Variants in ODAD3 observed in about 807,000 individuals in gnomAD.
ODAD3 encodes outer dynein arm docking complex subunit 3.
In ODAD3, 57 loss-of-function variants were observed where a neutral mutation model predicts 70.9. The observed-to-expected ratio is 0.80, with a 90% confidence interval of 0.65 to 1.00. ODAD3 has a LOEUF of 1.00. ODAD3 is among the 50% of genes least tolerant of loss of function. The pLI is 0.00. For missense variants in ODAD3, 797 were observed against 763.9 expected (o/e 1.04, Z -0.51); for synonymous variants, 327 against 315.9 (o/e 1.04, Z -0.37).
Position 11,425,234 on chromosome 19 carries a change from T to C in ODAD3, c.963+910A>G, listed in dbSNP as rs1222263436. Among the ~76,000 whole-genome samples, 3 of 138,820 alleles carry C rather than the reference T, an allele frequency of 2.2e-5. 1 individual carries two copies. The highest frequency in any genetic ancestry group is 6.1e-5 in the African/African-American group (2 of 32,786). 91.1% of individuals were successfully genotyped at this position (138,820 alleles called of 152,430 possible). ...ATATGTGTATATATGTGTGTATATG[T>C]ACATATGTGTATATATGTATATGTA... On this transcript the variant is annotated intron_variant, in intron 7 of 12. Transcript: ENST00000356392.
chr19:11,425,571 G>GTATGTATA (rs1225809062), intron 7 of ODAD3, among the ~76,000 whole-genome samples: 2 of 125,630 alleles, frequency 1.6e-5, no homozygotes, highest in Non-Finnish European at 3.1e-5. Flanking sequence ...ATGTGTGTAT[G>GTATGTATA]TATGTATATA....
chr19:11,427,972 C>T (rs1427801840), intron 3 of ODAD3, among the ~76,000 whole-genome samples: 3 of 151,778 alleles, frequency 2.0e-5, no homozygotes, highest in East Asian at 2.0e-4. Flanking sequence ...TGGTGGCAGG[C>T]GCCTGTAGTC....
At chr19:11,431,979 G>A (rs910390707) in intron 1 of ODAD3, among the ~76,000 whole-genome samples, 1 of 148,496 alleles carries the variant, frequency 6.7e-6, no homozygotes, top group African/African-American at 2.5e-5. Flanking sequence ...CGGGCATGAT[G>A]GTGGGTGCCT....
chr19:11,433,064 G>C (rs1010777820), intron 1 of ODAD3, among the ~76,000 whole-genome samples: 2 of 151,980 alleles, frequency 1.3e-5, no homozygotes, highest in African/African-American at 2.4e-5. Context: ...AAAGTGCTGG[G>C]ATTACAGGTG....
At chr19:11,425,247 A>ATATG (rs1160802495) in intron 7 of ODAD3, among the ~76,000 whole-genome samples, 1 of 121,312 alleles carries the variant, frequency 8.2e-6, no homozygotes, top group African/African-American at 4.2e-5. Context: ...ATATGTGTAT[A>ATATG]TATGTATATG....
chr19:11,421,737 C>T lies in ODAD3; in HGVS notation c.1530G>A (p.Leu510=), dbSNP rs1247452597. ...LGLVEEKLLK[L]QAQLQGHDVQ... is the part of the protein sequence containing the mutation. ...CGTCGTGGCCCTGGAGCTGCGCCTG[C>T]AGTTTCAGCAGCTTTTCCTCCACGA... Residue 510 remains leucine (L), a synonymous_variant, in exon 11 of 13, where the codon CTG becomes CTA. Coordinates refer to ENST00000356392, the MANE Select transcript of ODAD3 (RefSeq NM_145045.5). 1 of 1,613,456 alleles carries T rather than the reference C, an allele frequency of 6.2e-7. No homozygotes were observed. The highest frequency in any genetic ancestry group is 1.7e-5 in the Admixed American group (1 of 60,032).
At position 11,422,100 on chromosome 19, in the gene ODAD3, T is replaced by G. The variant is rs900578778; in HGVS notation, c.1435-268A>C. Among the ~76,000 whole-genome samples the G allele has an allele frequency of 6.6e-6, 1 of 152,198 alleles. No individual in the cohort carries two copies. Among genetic ancestry groups the G allele is most frequent in the Non-Finnish European group, 1.5e-5 (1 of 68,012 alleles). ...GGGAGGCCATTGTGGGATGGCCTCC[T>G]GAAGAAATGGCCCTCTGCTGCGGGC... On this transcript the variant is annotated intron_variant, in intron 10 of 12. Coordinates refer to ENST00000356392, the MANE Select transcript of ODAD3 (RefSeq NM_145045.5). The surrounding 1 kb of genome is among the most constrained non-coding windows in gnomAD (Gnocchi z 4.6).
intron 8 of ODAD3, 142 bp downstream of exon 8, chr19:11,423,735 G>A (rs1291200431): frequency 7.4e-6 from 6 of 809,846 alleles, no homozygotes; most frequent in African/African-American, 3.4e-5. Context: ...TGTTTTTCAA[G>A]AAAGGAGCAG....
rs779597814 is a variant in ODAD3, at chr19:11,421,667, T to G, written c.1590+10A>C. 6.2e-7 allele frequency: 1 copy of G among 1,610,150 alleles called. No homozygotes were observed. The highest frequency in any genetic ancestry group is 1.7e-5 in the Admixed American group (1 of 59,756). ...GATCTCTGGAGCTCTGCCCCATGGC[T>G]GCAGGGCACCTCGCGGTTAGCGATG... On this transcript the variant is annotated intron_variant, in intron 11 of 12. Coordinates refer to ENST00000356392, the MANE Select transcript of ODAD3 (RefSeq NM_145045.5).
chr19:11,420,734 C>G lies in ODAD3; in HGVS notation c.*101G>C, dbSNP rs370633080. ...CCGCTGGCCGCCTCCGTTCCCGGTC[C>G]GGGCCGCGTTCAGCCCCTGAAGGGG... is the stretch of plus-strand genomic sequence containing the variant. On this transcript the variant is annotated 3_prime_UTR_variant, in exon 13 of 13. Coordinates refer to ENST00000356392, the MANE Select transcript of ODAD3 (RefSeq NM_145045.5). 9.5e-3 allele frequency: 9,735 copies of G among 1,023,654 alleles called. 61 individuals carry two copies. Among genetic ancestry groups the G allele is most frequent in the Non-Finnish European group, 0.012 (8,155 of 675,616 alleles). 63.4% of individuals were successfully genotyped at this position (1,023,654 alleles called of 1,614,324 possible).
intron 1 of ODAD3, among the ~76,000 whole-genome samples, chr19:11,433,842 G>A (rs1877259740): frequency 6.6e-6 from 1 of 152,082 alleles, no homozygotes; most frequent in South Asian, 2.1e-4. Flanking sequence ...TGGAAGGATC[G>A]CTTGAGCCTA....
intron 1 of ODAD3, chr19:11,434,383 C>G (rs1297962069): frequency 1.9e-5 from 3 of 158,260 alleles, no homozygotes; most frequent in Admixed American, 6.1e-5. Context: ...ACTAAAAATA[C>G]AAAAATTAGT....
Position 11,427,005 on chromosome 19 carries a change from CT to C in ODAD3, c.479del (p.Lys160ArgfsTer2). ...GCCGCAGGGCGTTCTGCTGCTTCAC[CT>C]TCTCCCTCAGCCGGTGGTCTAGGTG... Reference protein sequence around the residue: ...LEHLDHRLREKVKQQNALRHQ... With the variant: ...LEHLDHRLREXVKQQNALRHQ... On this transcript the variant is annotated frameshift_variant, in exon 4 of 13. Coordinates refer to ENST00000356392, the MANE Select transcript of ODAD3 (RefSeq NM_145045.5). LOFTEE classifies it high-confidence loss of function. 1 of 1,601,860 alleles carries C rather than the reference CT, an allele frequency of 6.2e-7. No homozygotes were observed.
At chr19:11,425,373 A>ATGTGTG (rs1402690458) in intron 7 of ODAD3, among the ~76,000 whole-genome samples, 48 of 133,348 alleles carry the variant, frequency 3.6e-4, no homozygotes, top group Admixed American at 9.2e-4. Context: ...ATATGTGTAT[A>ATGTGTG]TATGTGTGTA....
intron 11 of ODAD3, 36 bp from the exon 12 acceptor site, chr19:11,421,248 C>T (rs1568346076): frequency 1.9e-6 from 3 of 1,586,478 alleles, no homozygotes; most frequent in Non-Finnish European, 2.6e-6. Flanking sequence ...GGAAGGTGGG[C>T]GGGGCCAGGG....
At chr19:11,431,273 G>A (rs1968870733) in intron 1 of ODAD3, 4 of 436,890 alleles carry the variant, frequency 9.2e-6, no homozygotes, top group Non-Finnish European at 1.7e-5. Flanking sequence ...CACCACACCT[G>A]GCTAATTTTG....
intron 3 of ODAD3, among the ~76,000 whole-genome samples, chr19:11,427,781 T>C (rs34100): frequency 0.15 from 22,154 of 151,050 alleles, 3,404 homozygotes; most frequent in African/African-American, 0.39. Flanking sequence ...CTCACCCAGC[T>C]ATCTTCTGGC....
chr19:11,421,867 G>A (rs569956993), intron 10 of ODAD3, 35 bp from the exon 11 acceptor site: 72 of 1,587,550 alleles, frequency 4.5e-5, no homozygotes, highest in Non-Finnish European at 6.0e-5. Flanking sequence ...AGCCGAGAGG[G>A]GTGGGGCCTC....
chr19:11,420,961 G>A lies in ODAD3; in HGVS notation c.1676-14C>T. The A allele has an allele frequency of 6.2e-7, 1 of 1,611,148 alleles. No individual in the cohort carries two copies. The highest frequency in any genetic ancestry group is 1.7e-4 in the Middle Eastern group (1 of 6,058). ...CACTCTCTTCGTCTAAGGGGGGTGG[G>A]GGGATGAGCAGGGAGCGATGTGGGA... On this transcript the variant is annotated splice_polypyrimidine_tract_variant and intron_variant, in intron 12 of 12. Transcript: ENST00000356392.
Sources: gnomAD v4.1 joint callset for allele counts (sites outside exome capture counted in the v4.1 genomes callset) on GRCh38, gnomAD v4.1.1 for gene constraint, Gnocchi (gnomAD v3.1) non-coding constraint, MANE v1.5 for transcripts, NCBI Gene and HGNC (gene_info 2026-07-23, HGNC 2026-07-21) for gene names.